Variants in CCDC191 observed in about 807,000 individuals in gnomAD.
CCDC191 encodes the protein coiled-coil domain containing 191.
Under a neutral mutation model 114.0 loss-of-function variants are expected in CCDC191, and 99 were observed. That is an observed-to-expected ratio of 0.87 (90% CI 0.74 to 1.03). The LOEUF is 1.03. Ranked by LOEUF, CCDC191 falls within the 50% of genes least tolerant of loss-of-function variation. The probability of loss-of-function intolerance (pLI) is 0.00; values close to 1 mark genes in which losing one functional copy is unlikely to be tolerated. For missense variants in CCDC191, 973 were observed against 1,087.0 expected (o/e 0.90, Z 1.47); for synonymous variants, 351 against 376.0 (o/e 0.93, Z 0.77).
At chr3:114,035,467 C>T (rs1356775113) in intron 5 of CCDC191, among the ~76,000 whole-genome samples, 3 of 152,116 alleles carry the variant, frequency 2.0e-5, no homozygotes, top group African/African-American at 7.2e-5. Context: ...TAAGATTGTC[C>T]AAGGTGTACA....
intron 3 of CCDC191, among the ~76,000 whole-genome samples, chr3:114,044,913 T>C (rs2076608818): frequency 6.6e-6 from 1 of 152,204 alleles, no homozygotes; most frequent in South Asian, 2.1e-4. Context: ...ACTACTTTTG[T>C]AGAATATTAG....
intron 13 of CCDC191, among the ~76,000 whole-genome samples, chr3:113,990,214 G>A (rs1257222712): frequency 6.6e-6 from 1 of 152,094 alleles, no homozygotes; most frequent in Non-Finnish European, 1.5e-5. Flanking sequence ...AGGTAAACCA[G>A]AAGAGAAGAT....
At position 114,003,383 on chromosome 3, in the gene CCDC191, G is replaced by T. The variant is rs1020986278; in HGVS notation, c.1979-845C>A. 3 of 984,994 alleles carry T rather than the reference G, an allele frequency of 3.0e-6. No homozygotes were observed. In the African/African-American group the frequency reaches 5.2e-5, roughly 17 times the overall value. 61.0% of individuals were successfully genotyped at this position (984,994 alleles called of 1,614,324 possible). On this transcript the variant is annotated intron_variant, in intron 11 of 16. Transcript: ENST00000295878. ...AATTAATAAACAAAAAACTCACCAG[G>T]CTATTTCTTACAGTTATTAAGTGTC...
At chr3:113,990,419 T>C (rs1192956482) in intron 13 of CCDC191, among the ~76,000 whole-genome samples, 1 of 151,960 alleles carries the variant, frequency 6.6e-6, no homozygotes, top group Non-Finnish European at 1.5e-5. Context: ...GCTCAATATC[T>C]ATTAAAGAAA....
intron 13 of CCDC191, among the ~76,000 whole-genome samples, chr3:114,000,457 T>C (rs1049460354): frequency 6.6e-6 from 1 of 152,202 alleles, no homozygotes; most frequent in African/African-American, 2.4e-5. Context: ...ATCATGAGAC[T>C]TCTCAGCTTC....
At chr3:114,009,209 A>C (rs1048279109) in intron 9 of CCDC191, among the ~76,000 whole-genome samples, 1 of 152,306 alleles carries the variant, frequency 6.6e-6, no homozygotes, top group South Asian at 2.1e-4. Context: ...TGCAGACTTC[A>C]TAGACATTGT....
intron 4 of CCDC191, 46 bp from the exon 5 acceptor site, chr3:114,036,832 A>C (rs2076491985): frequency 7.9e-7 from 1 of 1,260,556 alleles, no homozygotes; most frequent in African/African-American, 1.5e-5. Context: ...TTAAAAAATT[A>C]ATTTTAGTAT....
At chr3:114,049,468 G>C (rs2076673153) in intron 2 of CCDC191, among the ~76,000 whole-genome samples, 1 of 152,150 alleles carries the variant, frequency 6.6e-6, no homozygotes, top group African/African-American at 2.4e-5. Flanking sequence ...CAAAAAATTA[G>C]CAACAAAAAC....
chr3:113,991,810 G>A (rs945649433), intron 13 of CCDC191, among the ~76,000 whole-genome samples: 2 of 152,144 alleles, frequency 1.3e-5, no homozygotes, highest in African/African-American at 2.4e-5. Flanking sequence ...AGTGAGTTTA[G>A]CAAGATTGCA....
At chr3:114,012,637 T>TA (rs557926687) in intron 8 of CCDC191, among the ~76,000 whole-genome samples, 44 of 152,298 alleles carry the variant, frequency 2.9e-4, no homozygotes, top group African/African-American at 1.0e-3. Flanking sequence ...TTCAAGTGAG[T>TA]AAAAATCATA....
intron 7 of CCDC191, among the ~76,000 whole-genome samples, chr3:114,030,262 A>ATATATATATATATATATAT (rs1182972716): frequency 6.6e-6 from 1 of 152,174 alleles, no homozygotes; most frequent in Non-Finnish European, 1.5e-5. Flanking sequence ...AGTTCCATCT[A>ATATATATATATATATATAT]AAATATATAT....
intron 13 of CCDC191, among the ~76,000 whole-genome samples, chr3:113,986,814 C>A: frequency 6.6e-6 from 1 of 152,126 alleles, no homozygotes; most frequent in Admixed American, 6.6e-5. Context: ...CTCTCTCCCT[C>A]TCCCCTCTGT....
chr3:114,006,608 ATATATATAT>A (rs2075969262), intron 9 of CCDC191, among the ~76,000 whole-genome samples: 2 of 133,602 alleles, frequency 1.5e-5, no homozygotes, highest in African/African-American at 5.9e-5. Context: ...ATATATATAT[ATATATATAT>A]AAATATATAT....
chr3:114,007,824 A>G (rs972445625), intron 9 of CCDC191, among the ~76,000 whole-genome samples: 3 of 151,976 alleles, frequency 2.0e-5, no homozygotes, highest in African/African-American at 4.8e-5. Context: ...ATTAATGAGC[A>G]TCTAACTAAA....
rs899970958 is a variant in CCDC191, at chr3:113,966,698, T to C, written c.2607-1339A>G. On this transcript the variant is annotated intron_variant, in intron 16 of 16. Transcript: ENST00000295878. ...CAGAGATGGGATTTGTTCTGGCCTCTTGACCATCTGAGGGAGTCCCAGAAT... is the reference window on the plus strand; with the variant it reads ...CAGAGATGGGATTTGTTCTGGCCTCCTGACCATCTGAGGGAGTCCCAGAAT... 1.8e-4 allele frequency among the ~76,000 whole-genome samples: 28 copies of C among 152,324 alleles called. 1 individual carries two copies. Among genetic ancestry groups the C allele is most frequent in the Admixed American group, 1.2e-3 (18 of 15,292 alleles).
At chr3:114,049,931 A>G (rs1439102085) in intron 2 of CCDC191, among the ~76,000 whole-genome samples, 1 of 152,216 alleles carries the variant, frequency 6.6e-6, no homozygotes, top group Non-Finnish European at 1.5e-5. Context: ...CTCTGTTCCC[A>G]GCACTGGAGT....
At chr3:113,996,139 T>C in intron 13 of CCDC191, among the ~76,000 whole-genome samples, 1 of 152,232 alleles carries the variant, frequency 6.6e-6, no homozygotes, top group East Asian at 1.9e-4. Flanking sequence ...TAGATCCCAT[T>C]TGTCAATTCT....
intron 5 of CCDC191, among the ~76,000 whole-genome samples, chr3:114,035,754 C>T (rs566853898): frequency 5.3e-5 from 8 of 152,162 alleles, no homozygotes; most frequent in African/African-American, 1.9e-4. Flanking sequence ...CCTTTCCTTC[C>T]TGCTTCACCT....
intron 7 of CCDC191, among the ~76,000 whole-genome samples, chr3:114,023,943 T>C (rs1245649713): frequency 1.3e-5 from 2 of 152,056 alleles, no homozygotes; most frequent in Non-Finnish European, 2.9e-5. Context: ...GAGAAAATTT[T>C]TGCAATCTAC....
Sources: allele counts gnomAD v4.1 joint callset (sites outside exome capture counted in the v4.1 genomes callset), GRCh38; gene constraint gnomAD v4.1.1; transcripts MANE v1.5; gene names NCBI Gene and HGNC (gene_info 2026-07-23, HGNC 2026-07-21).